DCDC2C: variants seen among roughly 807,000 people sequenced by gnomAD.
DCDC2C encodes doublecortin domain-containing protein 2C.
In DCDC2C, 44 loss-of-function variants were observed where a neutral mutation model predicts 45.0. The ratio of observed to expected loss-of-function variants is 0.98; its 90% confidence interval spans 0.77 to 1.26. The LOEUF (loss-of-function observed/expected upper bound fraction) is 1.26, where lower values mean the gene tolerates loss of function less well. Among genes scored for constraint, DCDC2C ranks in the 50% most tolerant of loss-of-function variants. DCDC2C has a pLI of 0.00. For missense variants in DCDC2C, 447 were observed against 468.9 expected (o/e 0.95, Z 0.43); for synonymous variants, 187 against 178.8 (o/e 1.05, Z -0.37).
At position 3,799,418 on chromosome 2, in the gene DCDC2C, C is replaced by T. The variant is rs541289014; in HGVS notation, c.1065+14318C>T. 9.2e-3 allele frequency among the ~76,000 whole-genome samples: 1,391 copies of T among 151,632 alleles called. 16 individuals carry two copies. The highest frequency in any genetic ancestry group is 0.032 in the African/African-American group (1,322 of 41,302). ...TTGTTCTGTTGCTGGTGAGGAACTG[C>T]GTTCCTTTGGAGGAGGAGAGGTGCT... On this transcript the variant is annotated intron_variant, in intron 10 of 10. Transcript: ENST00000399143.
At chr2:3,803,906 C>T (rs185541949) in intron 10 of DCDC2C, among the ~76,000 whole-genome samples, 36 of 152,324 alleles carry the variant, frequency 2.4e-4, no homozygotes, top group African/African-American at 6.5e-4. Flanking sequence ...GTGACTCTTC[C>T]GTGTTTTCCC....
chr2:3,798,033 G>A (rs951865361), intron 10 of DCDC2C, among the ~76,000 whole-genome samples: 1 of 152,018 alleles, frequency 6.6e-6, no homozygotes, highest in African/African-American at 2.4e-5. Flanking sequence ...CTCAGGACTT[G>A]CTTTATGAAT....
At chr2:3,786,346 T>C (rs1395671020) in intron 10 of DCDC2C, among the ~76,000 whole-genome samples, 1,413 of 123,022 alleles carry the variant, frequency 0.011, 48 homozygotes, top group African/African-American at 0.04. Context: ...GCCTCCGGTG[T>C]GCGTGTGTCC....
intron 3 of DCDC2C, among the ~76,000 whole-genome samples, chr2:3,728,009 A>G (rs901026517): frequency 2.0e-5 from 3 of 152,176 alleles, no homozygotes; most frequent in Admixed American, 6.5e-5. Flanking sequence ...TTTCCATTTT[A>G]CCATGTTCTA....
chr2:3,777,478 A>T (rs1670375651), intron 8 of DCDC2C, among the ~76,000 whole-genome samples: 1 of 152,230 alleles, frequency 6.6e-6, no homozygotes, highest in African/African-American at 2.4e-5. Flanking sequence ...CTTGCTGAAT[A>T]AATGAATGAA....
chr2:3,813,065 ATATTTTT>A (rs1444640864), intron 10 of DCDC2C, among the ~76,000 whole-genome samples: 5 of 28,812 alleles, frequency 1.7e-4, no homozygotes, highest in East Asian at 2.6e-3. Flanking sequence ...ATATATATAT[ATATTTTT>A]TTTTTTTTGC....
At chr2:3,744,437 G>T (rs1227674473) in intron 4 of DCDC2C, among the ~76,000 whole-genome samples, 3 of 152,214 alleles carry the variant, frequency 2.0e-5, no homozygotes, top group Non-Finnish European at 4.4e-5. Flanking sequence ...TCCACCTGGG[G>T]ATGCTTCTGG....
At chr2:3,771,828 C>T (rs1223217009) in intron 8 of DCDC2C, among the ~76,000 whole-genome samples, 1 of 152,228 alleles carries the variant, frequency 6.6e-6, no homozygotes, top group Non-Finnish European at 1.5e-5. Flanking sequence ...GCTCTTGGCT[C>T]TGCGTCAGGG....
chr2:3,822,572 C>G (rs997532990), intron 10 of DCDC2C, among the ~76,000 whole-genome samples: 3 of 148,178 alleles, frequency 2.0e-5, no homozygotes, highest in Non-Finnish European at 4.5e-5. Context: ...AAAAATCTAG[C>G]TTTTGGTTTC....
chr2:3,792,289 T>C (rs1176683866), intron 10 of DCDC2C, among the ~76,000 whole-genome samples: 1 of 152,210 alleles, frequency 6.6e-6, no homozygotes, highest in Non-Finnish European at 1.5e-5. Context: ...TGGTCTTCTC[T>C]GAGCTGTGCA....
rs750052370 is a variant in DCDC2C at position 3,734,204 on chromosome 2, T to C, written c.416+7125T>C. Among the ~76,000 whole-genome samples the C allele has an allele frequency of 4.4e-4, 67 of 152,340 alleles. 1 individual carries two copies. Among genetic ancestry groups the C allele is most frequent in the Admixed American group, 6.5e-4 (10 of 15,308 alleles). On this transcript the variant is annotated intron_variant, in intron 3 of 10. Transcript: ENST00000399143. This position sits in a 1 kb window ranked among gnomAD's most constrained non-coding sequence, Gnocchi z 4.2. ...TTCACCTTCATTTCTTCTGTCTTCA[T>C]GCAAGCCCGAGTAAATGATTCATTC...
At chr2:3,816,640 A>G (rs1334750186) in intron 10 of DCDC2C, among the ~76,000 whole-genome samples, 1 of 152,242 alleles carries the variant, frequency 6.6e-6, no homozygotes, top group Non-Finnish European at 1.5e-5. Context: ...AAAGTAAAGA[A>G]TAGGACTTAT....
chr2:3,817,610 G>C (rs1671586310), intron 10 of DCDC2C, among the ~76,000 whole-genome samples: 1 of 152,208 alleles, frequency 6.6e-6, no homozygotes, highest in Non-Finnish European at 1.5e-5. Context: ...GCCACATGCA[G>C]ACATGAGGGC....
intron 10 of DCDC2C, among the ~76,000 whole-genome samples, chr2:3,822,797 C>T (rs1671725696): frequency 6.6e-6 from 1 of 152,072 alleles, no homozygotes; most frequent in Non-Finnish European, 1.5e-5. Flanking sequence ...TGTTTCCCCA[C>T]CCAAATCTCA....
At chr2:3,783,981 C>T (rs950804816) in intron 9 of DCDC2C, among the ~76,000 whole-genome samples, 1 of 152,078 alleles carries the variant, frequency 6.6e-6, no homozygotes, top group Non-Finnish European at 1.5e-5. Context: ...TCTCATAAAT[C>T]ATTAACACAA....
chr2:3,788,944 G>C (rs1670733614), intron 10 of DCDC2C, among the ~76,000 whole-genome samples: 1 of 146,406 alleles, frequency 6.8e-6, no homozygotes, highest in Non-Finnish European at 1.5e-5. Flanking sequence ...ACGTTCAAAA[G>C]ATCTCATGCT....
chr2:3,759,947 G>A (rs1015739076), intron 6 of DCDC2C, among the ~76,000 whole-genome samples: 1 of 152,248 alleles, frequency 6.6e-6, no homozygotes, highest in South Asian at 2.1e-4. Flanking sequence ...CAAAGCTGTA[G>A]TGTTTTAAGA....
At chr2:3,744,086 G>A (rs1412402839) in intron 4 of DCDC2C, among the ~76,000 whole-genome samples, 5 of 151,844 alleles carry the variant, frequency 3.3e-5, no homozygotes, top group African/African-American at 1.2e-4. Context: ...ACATGGAATG[G>A]GAGGATTGCC....
At chr2:3,810,754 G>A (rs1350934999) in intron 10 of DCDC2C, among the ~76,000 whole-genome samples, 2 of 152,154 alleles carry the variant, frequency 1.3e-5, no homozygotes, top group East Asian at 1.9e-4. Flanking sequence ...GTTAATTTTT[G>A]TATAAGGTAT....
Sources: gnomAD v4.1 joint callset for allele counts (sites outside exome capture counted in the v4.1 genomes callset) on GRCh38, gnomAD v4.1.1 for gene constraint, Gnocchi (gnomAD v3.1) non-coding constraint, MANE v1.5 for transcripts, NCBI Gene and HGNC (gene_info 2026-07-23, HGNC 2026-07-21) for gene names.